ERC2: variants seen among roughly 807,000 people sequenced by gnomAD.
ERC2 encodes ELKS/RAB6-interacting/CAST family member 2.
In ERC2, 42 loss-of-function variants were observed where a neutral mutation model predicts 114.8. The ratio of observed to expected loss-of-function variants is 0.37; its 90% CI spans 0.29 to 0.47. The LOEUF (loss-of-function observed/expected upper bound fraction) is 0.47, where lower values mean the gene tolerates loss of function less well. Ranked by LOEUF, ERC2 falls within the 20% of genes least tolerant of loss-of-function variation. The pLI, the probability that ERC2 is intolerant of heterozygous loss-of-function variation, is 0.99. For missense variants in ERC2, 939 were observed against 1,150.7 expected, an observed-to-expected ratio of 0.82 and a Z score of 2.66; for synonymous variants, 454 against 425.5, an observed-to-expected ratio of 1.07 and a Z score of -0.82.
chr3:55,814,047 A>T (rs1050077719), intron 14 of ERC2, among the ~76,000 whole-genome samples: 3 of 152,254 alleles, frequency 2.0e-5, no homozygotes, highest in Non-Finnish European at 4.4e-5. Context: ...AAGTTTGGAG[A>T]GGAAGATGAA....
At chr3:55,912,212 G>A (rs76374930) in intron 13 of ERC2, among the ~76,000 whole-genome samples, 5,177 of 152,282 alleles carry the variant, frequency 0.034, 194 homozygotes, top group African/African-American at 0.086. Context: ...CAGGTGAGGA[G>A]AGAGAGAAGA....
At position 56,276,898 on chromosome 3, in the gene ERC2, G is replaced by A. The variant is rs141810887; in HGVS notation, c.1074+19121C>T. ...TAAGAAAGTTTACAAATTTTGGGGG[G>A]CCACATTCAAAACCATCCTGGGCCA... On this transcript the variant is annotated intron_variant, in intron 3 of 17. Coordinates refer to ENST00000288221, the MANE Select transcript of ERC2 (RefSeq NM_015576.3). Among the ~76,000 whole-genome samples, 257 of 152,246 alleles carry A rather than the reference G, an allele frequency of 1.7e-3. 2 individuals carry two copies. The highest frequency in any genetic ancestry group is 6.0e-3 in the African/African-American group (248 of 41,542).
intron 1 of ERC2, 71 bp downstream of exon 1, chr3:56,468,177 G>C (rs925851766): frequency 6.6e-6 from 1 of 152,116 alleles, no homozygotes; most frequent in Non-Finnish European, 1.5e-5. Context: ...CCGGCACGAG[G>C]AATGCCCGGG....
chr3:55,637,503 G>C (rs578057814), intron 17 of ERC2, among the ~76,000 whole-genome samples: 3 of 152,294 alleles, frequency 2.0e-5, no homozygotes, highest in Non-Finnish European at 2.9e-5. Flanking sequence ...ACTGGGAGCA[G>C]AGACTGGCAT....
At chr3:55,869,589 C>T (rs370735452) in intron 14 of ERC2, among the ~76,000 whole-genome samples, 13 of 152,290 alleles carry the variant, frequency 8.5e-5, no homozygotes, top group South Asian at 4.1e-4. Flanking sequence ...ACCCTCCCTC[C>T]TGAAAGCATT....
intron 2 of ERC2, among the ~76,000 whole-genome samples, chr3:56,432,961 G>T (rs1433997417): frequency 6.6e-6 from 1 of 152,110 alleles, no homozygotes; most frequent in Non-Finnish European, 1.5e-5. Flanking sequence ...ACTCCTTGAA[G>T]CCAGGAGTTC....
chr3:55,602,433 CAG>C (rs1361074488), intron 17 of ERC2, among the ~76,000 whole-genome samples: 1 of 152,196 alleles, frequency 6.6e-6, no homozygotes, highest in Non-Finnish European at 1.5e-5. Flanking sequence ...GTATCTCAGA[CAG>C]AGGCACCATA....
chr3:55,518,882 T>C (rs1418886918), intron 17 of ERC2, among the ~76,000 whole-genome samples: 2 of 152,238 alleles, frequency 1.3e-5, no homozygotes, highest in Non-Finnish European at 2.9e-5. Context: ...AAACTAATGA[T>C]AGTCTTTCTT....
At chr3:55,711,597 G>A (rs1045653258) in intron 15 of ERC2, among the ~76,000 whole-genome samples, 7 of 152,160 alleles carry the variant, frequency 4.6e-5, no homozygotes, top group Admixed American at 4.6e-4. Context: ...CTCCAAAAGG[G>A]AAGATATCTT....
chr3:56,159,889 G>A (rs1224083290), intron 4 of ERC2, among the ~76,000 whole-genome samples: 5 of 152,164 alleles, frequency 3.3e-5, no homozygotes, highest in Admixed American at 6.5e-5. Context: ...CATACTAAGC[G>A]TTCTTCATCT....
intron 14 of ERC2, among the ~76,000 whole-genome samples, chr3:55,858,849 C>T (rs1331689141): frequency 6.6e-6 from 1 of 152,126 alleles, no homozygotes; most frequent in African/African-American, 2.4e-5. Flanking sequence ...GCATGCTAGG[C>T]CTATGTTCTC....
chr3:55,728,361 A>G (rs1171820750), intron 15 of ERC2, among the ~76,000 whole-genome samples: 1 of 152,210 alleles, frequency 6.6e-6, no homozygotes, highest in Non-Finnish European at 1.5e-5. Flanking sequence ...CATGTGCTCA[A>G]AAATGTCAGC....
At chr3:56,155,371 A>AG (rs2081648067) in intron 4 of ERC2, among the ~76,000 whole-genome samples, 1 of 151,892 alleles carries the variant, frequency 6.6e-6, no homozygotes, top group South Asian at 2.1e-4. Flanking sequence ...ATGAAAAAAA[A>AG]AAAAAAAAGA....
chr3:56,286,544 T>A (rs2054730212), intron 3 of ERC2, among the ~76,000 whole-genome samples: 1 of 152,114 alleles, frequency 6.6e-6, no homozygotes, highest in Non-Finnish European at 1.5e-5. Context: ...AGACAGGCTT[T>A]TACCAAATGT....
At chr3:56,052,376 C>A (rs553443736) in intron 7 of ERC2, among the ~76,000 whole-genome samples, 10 of 152,292 alleles carry the variant, frequency 6.6e-5, no homozygotes, top group South Asian at 2.1e-4. Flanking sequence ...TATGCTAATG[C>A]GCAGGGTCAG....
intron 4 of ERC2, among the ~76,000 whole-genome samples, chr3:56,150,469 A>G (rs2081358782): frequency 6.6e-6 from 1 of 152,162 alleles, no homozygotes; most frequent in Admixed American, 6.6e-5. Context: ...TGAGTGCTCT[A>G]AGTTCTGTAG....
At chr3:56,325,074 T>G (rs960477493) in intron 2 of ERC2, among the ~76,000 whole-genome samples, 14 of 152,008 alleles carry the variant, frequency 9.2e-5, no homozygotes, top group Middle Eastern at 3.2e-3. Flanking sequence ...TCATGATCTA[T>G]CTACCTTTAA....
At chr3:55,924,435 C>T (rs973212618) in intron 13 of ERC2, among the ~76,000 whole-genome samples, 11 of 152,204 alleles carry the variant, frequency 7.2e-5, no homozygotes, top group African/African-American at 2.6e-4. Flanking sequence ...AGTTGGCCAA[C>T]CAGTGTTCTA....
rs75646277 is a variant in ERC2, at chr3:55,922,528, C to A, written c.2403+27897G>T. Among the ~76,000 whole-genome samples, 4 of 152,128 alleles carry A rather than the reference C, an allele frequency of 2.6e-5. No individual in the cohort carries two copies. The East Asian group carries it at 7.7e-4, about 29-fold the overall frequency. On this transcript the variant is annotated intron_variant, in intron 13 of 17. Transcript: ENST00000288221. ...GAAAAACATCAAACAGCTCTTCTCC[C>A]CCTACCCCCTTCTTTCTTTGTCTTA...
Sources: allele counts gnomAD v4.1 joint callset (sites outside exome capture counted in the v4.1 genomes callset), GRCh38; gene constraint gnomAD v4.1.1; transcripts MANE v1.5; gene names NCBI Gene and HGNC (gene_info 2026-07-23, HGNC 2026-07-21).